Variants in LRP1B observed in about 807,000 individuals in gnomAD.
The protein encoded by LRP1B is LDL receptor related protein 1B, also known as low-density lipoprotein receptor-related protein 1B.
A neutral mutation model predicts 556.6 loss-of-function variants in LRP1B; 217 were observed. The observed-to-expected ratio is 0.39, with a 90% CI of 0.35 to 0.44. The LOEUF is 0.44. Among genes scored for constraint, LRP1B ranks in the 20% least tolerant of loss-of-function variants. LRP1B has a pLI of 1.00. For synonymous variants in LRP1B, 2,047 were observed against 1,865.8 expected, an observed-to-expected ratio of 1.10 and a Z score of -2.50; for missense variants, 5,053 against 5,620.8, an observed-to-expected ratio of 0.90 and a Z score of 3.23.
At chr2:141,241,612 A>C (rs1683880690) in intron 5 of LRP1B, among the ~76,000 whole-genome samples, 1 of 152,024 alleles carries the variant, frequency 6.6e-6, no homozygotes, top group Non-Finnish European at 1.5e-5. Context: ...ATTGATCCCC[A>C]ACATCCCAGT....
intron 3 of LRP1B, among the ~76,000 whole-genome samples, chr2:141,296,373 A>G (rs2105420325): frequency 6.6e-6 from 1 of 152,332 alleles, no homozygotes; most frequent in Non-Finnish European, 1.5e-5. Flanking sequence ...TTCACATATA[A>G]GGGAATTTAA....
At chr2:141,950,716 T>G (rs753012146) in intron 1 of LRP1B, among the ~76,000 whole-genome samples, 8 of 152,166 alleles carry the variant, frequency 5.3e-5, no homozygotes, top group Non-Finnish European at 8.8e-5. Context: ...TCTTCTTCAG[T>G]TCTCTTTTCA....
At chr2:141,467,314 A>C (rs1165414846) in intron 3 of LRP1B, among the ~76,000 whole-genome samples, 1 of 151,890 alleles carries the variant, frequency 6.6e-6, no homozygotes, top group Non-Finnish European at 1.5e-5. Context: ...GGAAACTTTA[A>C]AACTATTTGG....
intron 43 of LRP1B, among the ~76,000 whole-genome samples, chr2:140,552,057 T>C (rs1369133942): frequency 1.3e-5 from 2 of 152,070 alleles, no homozygotes; most frequent in African/African-American, 4.8e-5. Flanking sequence ...ACTCGAAGCA[T>C]CCAAGATTTG....
intron 1 of LRP1B, among the ~76,000 whole-genome samples, chr2:141,934,320 A>G (rs1451528388): frequency 6.6e-6 from 1 of 152,094 alleles, no homozygotes; most frequent in African/African-American, 2.4e-5. Context: ...GACAGAAGGT[A>G]AAGAAACAAT....
At chr2:141,129,954 G>A (rs561146899) in intron 7 of LRP1B, among the ~76,000 whole-genome samples, 69 of 152,050 alleles carry the variant, frequency 4.5e-4, no homozygotes, top group Non-Finnish European at 8.5e-4. Flanking sequence ...AGTTATCATG[G>A]ACTAGACGTA....
At chr2:141,787,556 A>G (rs1022531268) in intron 2 of LRP1B, among the ~76,000 whole-genome samples, 2 of 151,830 alleles carry the variant, frequency 1.3e-5, no homozygotes, top group African/African-American at 4.8e-5. Flanking sequence ...AGGACAAAAT[A>G]CAGATCAGTG....
At chr2:140,606,695 A>T (rs762548626) in intron 41 of LRP1B, among the ~76,000 whole-genome samples, 1 of 152,074 alleles carries the variant, frequency 6.6e-6, no homozygotes, top group Non-Finnish European at 1.5e-5. Context: ...GAGAAAAAAA[A>T]TTATCTCAAA....
intron 3 of LRP1B, among the ~76,000 whole-genome samples, chr2:141,436,214 A>C (rs912951014): frequency 2.6e-5 from 4 of 152,198 alleles, no homozygotes; most frequent in Non-Finnish European, 4.4e-5. Context: ...GATTACCACA[A>C]TGAAATTAAC....
At chr2:141,835,150 A>G (rs1697235109) in intron 1 of LRP1B, among the ~76,000 whole-genome samples, 1 of 152,006 alleles carries the variant, frequency 6.6e-6, no homozygotes, top group Non-Finnish European at 1.5e-5. Flanking sequence ...TCAGCAAAAT[A>G]TATTAACTTT....
At chr2:140,512,355 G>GA (rs1689704706) in intron 51 of LRP1B, among the ~76,000 whole-genome samples, 1 of 152,194 alleles carries the variant, frequency 6.6e-6, no homozygotes, top group Admixed American at 6.5e-5. Flanking sequence ...ATGGGCCAAA[G>GA]AAAAAATTCA....
intron 1 of LRP1B, among the ~76,000 whole-genome samples, chr2:141,952,785 T>C (rs1321778197): frequency 6.6e-6 from 1 of 152,198 alleles, no homozygotes; most frequent in Admixed American, 6.5e-5. Flanking sequence ...AAATTATCTT[T>C]ACGTTGGGTC....
chr2:141,620,269 T>C (rs892416872), intron 2 of LRP1B, among the ~76,000 whole-genome samples: 1 of 152,242 alleles, frequency 6.6e-6, no homozygotes, highest in Admixed American at 6.5e-5. Context: ...GTCAGTATAC[T>C]TTGTATATTC....
At chr2:140,713,324 A>AT (rs1398195618) in intron 37 of LRP1B, among the ~76,000 whole-genome samples, 1 of 106,142 alleles carries the variant, frequency 9.4e-6, no homozygotes, top group Non-Finnish European at 2.2e-5. Context: ...AAAGGTATAG[A>AT]ATTTTTTTTT....
intron 1 of LRP1B, among the ~76,000 whole-genome samples, chr2:141,814,764 A>G (rs1483394817): frequency 6.6e-6 from 1 of 152,196 alleles, no homozygotes; most frequent in East Asian, 1.9e-4. Context: ...GACTGGGTAA[A>G]ACTGGAAACA....
At position 140,982,288 on chromosome 2, in the gene LRP1B, A is replaced by C. The variant is rs1282010725; in HGVS notation, c.2771-12T>G. 1 of 1,577,498 alleles carries C rather than the reference A, an allele frequency of 6.3e-7. No homozygotes were observed. The highest frequency in any genetic ancestry group is 2.2e-5 in the East Asian group (1 of 44,618). On this transcript the variant is annotated splice_polypyrimidine_tract_variant and intron_variant, in intron 17 of 90. Coordinates refer to ENST00000389484, the MANE Select transcript of LRP1B (RefSeq NM_018557.3). ...CTGGCATGTTCTGGCTATGATGATCAATTAATAAACAAAAAATCAATTTAG... is the reference window on the plus strand; with the variant it reads ...CTGGCATGTTCTGGCTATGATGATCCATTAATAAACAAAAAATCAATTTAG...
At chr2:142,047,796 A>T (rs1704312267) in intron 1 of LRP1B, among the ~76,000 whole-genome samples, 3 of 151,988 alleles carry the variant, frequency 2.0e-5, no homozygotes, top group African/African-American at 7.2e-5. Context: ...TCTGCTTCAG[A>T]GGATCCAGGA....
At chr2:140,738,854 A>G (rs1382358795) in intron 35 of LRP1B, among the ~76,000 whole-genome samples, 1 of 152,206 alleles carries the variant, frequency 6.6e-6, no homozygotes, top group East Asian at 1.9e-4. Flanking sequence ...CCTACATCAA[A>G]TAACTCGAAG....
intron 3 of LRP1B, among the ~76,000 whole-genome samples, chr2:141,262,343 G>A (rs74533942): frequency 0.012 from 1,874 of 151,860 alleles, 31 homozygotes; most frequent in African/African-American, 0.044. Flanking sequence ...TTTGTTACGA[G>A]ATATATGATT....
Sources: allele counts gnomAD v4.1 joint callset (sites outside exome capture counted in the v4.1 genomes callset), GRCh38; gene constraint gnomAD v4.1.1; transcripts MANE v1.5; gene names NCBI Gene and HGNC (gene_info 2026-07-23, HGNC 2026-07-21).